The following DNM1L variants were observed in gnomAD, a reference collection of about 807,000 sequenced individuals.
DNM1L encodes the protein dynamin 1L.
A neutral mutation model predicts 92.8 loss-of-function variants in DNM1L; 33 were observed. The observed-to-expected ratio is 0.36, with a 90% CI of 0.27 to 0.48. The LOEUF (loss-of-function observed/expected upper bound fraction) is 0.48, where lower values mean the gene tolerates loss of function less well. DNM1L is among the 20% of genes least tolerant of loss of function. The probability of loss-of-function intolerance (pLI) is 0.99; values close to 1 mark genes in which losing one functional copy is unlikely to be tolerated. For synonymous variants in DNM1L, 284 were observed against 305.0 expected (o/e 0.93, Z 0.72); for missense variants, 485 against 888.8 (o/e 0.55, Z 5.78).
chr12:32,687,989 A>T (rs769288536), intron 1 of DNM1L, among the ~76,000 whole-genome samples: 21 of 152,024 alleles, frequency 1.4e-4, no homozygotes, highest in Non-Finnish European at 2.9e-4. Context: ...CAGTGGCGTG[A>T]TCTCGTTTCA....
intron 1 of DNM1L, among the ~76,000 whole-genome samples, chr12:32,699,858 A>AACAAACTG (rs1355395310): frequency 2.0e-5 from 3 of 151,462 alleles, no homozygotes; most frequent in Non-Finnish European, 4.4e-5. Context: ...TAGCAAATTG[A>AACAAACTG]ACAAACTGGT....
chr12:32,705,000 G>GTTTTTTT (rs35375744), intron 2 of DNM1L, among the ~76,000 whole-genome samples: 1 of 118,876 alleles, frequency 8.4e-6, no homozygotes, highest in Non-Finnish European at 1.7e-5. Context: ...CTCAGGCAAA[G>GTTTTTTT]TTTTTTTTTT....
intron 1 of DNM1L, among the ~76,000 whole-genome samples, chr12:32,699,586 A>G (rs905060231): frequency 1.3e-5 from 2 of 152,006 alleles, no homozygotes; most frequent in African/African-American, 4.8e-5. Context: ...ACTTGAGGTC[A>G]GGAGTTTGAA....
chr12:32,685,326 A>C (rs1351549831), intron 1 of DNM1L, among the ~76,000 whole-genome samples: 1 of 150,832 alleles, frequency 6.6e-6, no homozygotes, highest in Non-Finnish European at 1.5e-5. Flanking sequence ...ACTTTCTGAA[A>C]AACTACCAAA....
Position 32,744,738 on chromosome 12 carries a change from C to CAGAT in DNM1L, c.*1334_*1337dup, listed in dbSNP as rs1038927447. The stretch of plus-strand genomic sequence containing the variant: ...CAAAAAAAAAAAATAAAACAACACC[C>CAGAT]AGATAGATACACATACTCCTTCAGA... On this transcript the variant is annotated 3_prime_UTR_variant, in exon 20 of 20. Coordinates refer to ENST00000549701, the MANE Select transcript of DNM1L (RefSeq NM_012062.5). 1.1e-5 allele frequency: 4 copies of CAGAT among 379,594 alleles called. No homozygotes were observed. Among genetic ancestry groups the CAGAT allele is most frequent in the Admixed American group, 3.8e-5 (1 of 25,984 alleles). The allele number at this position is 379,594 out of a possible 1,614,324, so 23.5% of individuals were successfully genotyped here. A position where few individuals can be genotyped will look rare whatever the true frequency, so the allele number is the denominator to read the frequency against.
At chr12:32,704,841 A>G (rs529613038) in intron 2 of DNM1L, among the ~76,000 whole-genome samples, 8 of 152,264 alleles carry the variant, frequency 5.3e-5, no homozygotes, top group African/African-American at 1.9e-4. Flanking sequence ...TTCAAATAAA[A>G]TACCCTTATA....
In DNM1L at chr12:32,745,280, AG is replaced by A. The variant is rs1042804101; in HGVS notation, c.*1874del. The A allele has an allele frequency of 4.6e-6, 1 of 219,704 alleles. No homozygotes were observed. Among genetic ancestry groups the A allele is most frequent in the Non-Finnish European group, 9.0e-6 (1 of 110,762 alleles). 13.6% of individuals were successfully genotyped at this position (219,704 alleles called of 1,614,324 possible). On this transcript the variant is annotated 3_prime_UTR_variant, in exon 20 of 20. Coordinates refer to ENST00000549701, the MANE Select transcript of DNM1L (RefSeq NM_012062.5). Reference sequence around the variant, plus strand: ...ATTATTCTAGTCCTTTGAATTTGTAAGGGGAAAAAAAACAAAAACAAAAACT... The same window carrying A: ...ATTATTCTAGTCCTTTGAATTTGTAAGGGAAAAAAAACAAAAACAAAAACT...
intron 6 of DNM1L, among the ~76,000 whole-genome samples, chr12:32,714,502 G>A (rs901794224): frequency 6.6e-6 from 1 of 151,592 alleles, no homozygotes; most frequent in South Asian, 2.1e-4. Context: ...TCGATCTCCT[G>A]ACCTCGTGAT....
At chr12:32,679,569 C>T (rs1951723165) in intron 1 of DNM1L, 104 bp downstream of exon 1, 3 of 1,452,420 alleles carry the variant, frequency 2.1e-6, no homozygotes, top group Non-Finnish European at 2.8e-6. Flanking sequence ...CCCGCGCCAG[C>T]CTTTGGGGCC....
intron 14 of DNM1L, chr12:32,737,546 A>G: frequency 2.5e-6 from 1 of 394,684 alleles, no homozygotes; most frequent in Non-Finnish European, 4.6e-6. Flanking sequence ...AGTAATAATT[A>G]AAATAGTTGT....
chr12:32,733,475 T>C, intron 12 of DNM1L: 2 of 479,044 alleles, frequency 4.2e-6, no homozygotes, highest in Non-Finnish European at 7.4e-6. Flanking sequence ...GTTACTTTAA[T>C]GTTATTTTTC....
intron 1 of DNM1L, among the ~76,000 whole-genome samples, chr12:32,689,790 A>G (rs1952163962): frequency 6.6e-6 from 1 of 152,224 alleles, no homozygotes. Flanking sequence ...GCTGATTATT[A>G]GGGAAGAGCT....
chr12:32,740,383 AT>A (rs901984241), intron 17 of DNM1L, 25 bp from the exon 18 acceptor site: 13 of 1,611,168 alleles, frequency 8.1e-6, no homozygotes, highest in South Asian at 1.1e-5. Flanking sequence ...CAAAAGTAAT[AT>A]TTTTTCCCCC....
intron 1 of DNM1L, 102 bp from the exon 2 acceptor site, chr12:32,701,313 C>A: frequency 9.1e-7 from 1 of 1,093,024 alleles, no homozygotes; most frequent in Non-Finnish European, 1.3e-6. Context: ...CTAATTTTTC[C>A]TTTAAAATAA....
intron 1 of DNM1L, among the ~76,000 whole-genome samples, chr12:32,691,413 A>G (rs2140781): frequency 8.6e-5 from 13 of 151,898 alleles, no homozygotes; most frequent in Admixed American, 7.2e-4. Flanking sequence ...TAATTTTTGT[A>G]TTTTTAGTAG....
chr12:32,721,928 A>G (rs1014761496), intron 8 of DNM1L, among the ~76,000 whole-genome samples: 8 of 152,240 alleles, frequency 5.3e-5, no homozygotes, highest in African/African-American at 1.9e-4. Context: ...GGATATAGAT[A>G]AATAGCCAGA....
chr12:32,733,168 CTTTTT>C (rs1029146377), intron 12 of DNM1L, among the ~76,000 whole-genome samples: 2 of 152,158 alleles, frequency 1.3e-5, no homozygotes, highest in African/African-American at 2.4e-5. Context: ...TTTAACTTTT[CTTTTT>C]TATTTTCCTC....
In DNM1L at chr12:32,745,025, T is replaced by C. The variant is rs765840137; in HGVS notation, c.*1615T>C. 1.9e-6 allele frequency: 1 copy of C among 513,966 alleles called. No homozygotes were observed. The allele number at this position is 513,966 out of a possible 1,614,324, so 31.8% of individuals were successfully genotyped here. ...ATATGAATATGTTAACTTTAGCTTATGGCATCAATTTACTAAGGAACAACA... is the reference window on the plus strand; with the variant it reads ...ATATGAATATGTTAACTTTAGCTTACGGCATCAATTTACTAAGGAACAACA... On this transcript the variant is annotated 3_prime_UTR_variant, in exon 20 of 20. Coordinates refer to ENST00000549701, the MANE Select transcript of DNM1L (RefSeq NM_012062.5).
intron 18 of DNM1L, among the ~76,000 whole-genome samples, 168 bp from the exon 19 acceptor site, chr12:32,742,421 A>T (rs1018638910): frequency 1.3e-5 from 2 of 152,120 alleles, no homozygotes; most frequent in African/African-American, 4.8e-5. Context: ...GCTTTTCTTA[A>T]TGTTTAATTA....
Sources: gnomAD v4.1 joint callset for allele counts (sites outside exome capture counted in the v4.1 genomes callset) on GRCh38, gnomAD v4.1.1 for gene constraint, MANE v1.5 for transcripts, NCBI Gene and HGNC (gene_info 2026-07-23, HGNC 2026-07-21) for gene names.